The following ETV6 variants were observed in gnomAD, a reference collection of about 807,000 sequenced individuals.
ETV6 encodes the protein ETS variant transcription factor 6.
Under a neutral mutation model 51.1 loss-of-function variants are expected in ETV6, and 16 were observed. The ratio of observed to expected loss-of-function variants is 0.31; its 90% CI spans 0.21 to 0.48. ETV6 has a LOEUF of 0.48. ETV6 is among the 20% of genes least tolerant of loss of function. The pLI is 0.99. For missense variants in ETV6, 458 were observed against 594.8 expected (o/e 0.77, Z 2.39); for synonymous variants, 240 against 224.1 (o/e 1.07, Z -0.64).
chr12:11,739,086 GAGAC>G (rs1865762605), intron 1 of ETV6, among the ~76,000 whole-genome samples: 1 of 152,092 alleles, frequency 6.6e-6, no homozygotes, highest in Admixed American at 6.6e-5. Context: ...AAGAGAGAGA[GAGAC>G]AGAGAAGACT....
intron 1 of ETV6, among the ~76,000 whole-genome samples, chr12:11,664,608 G>C (rs1864160873): frequency 6.6e-6 from 1 of 152,098 alleles, no homozygotes; most frequent in South Asian, 2.1e-4. Flanking sequence ...CCAGGACTAA[G>C]GTTAGCGAAC....
intron 4 of ETV6, among the ~76,000 whole-genome samples, chr12:11,861,411 C>G (rs891973595): frequency 6.6e-6 from 1 of 152,176 alleles, no homozygotes; most frequent in South Asian, 2.1e-4. Context: ...GACCCTTGCC[C>G]CTGCTGCAGC....
Position 11,895,159 on chromosome 12 carries a change from C to G in ETV6, c.*4113C>G. The G allele has an allele frequency of 4.3e-6, 1 of 232,528 alleles. No individual in the cohort carries two copies. The highest frequency in any genetic ancestry group is 8.5e-6 in the Non-Finnish European group (1 of 117,310). 14.4% of individuals were successfully genotyped at this position (232,528 alleles called of 1,614,324 possible). On this transcript the variant is annotated 3_prime_UTR_variant, in exon 8 of 8. Transcript: ENST00000396373. Reference sequence around the variant, plus strand: ...CATTCTTGATGATTTCTCTTTGTGACCGCAACCACCTGCAAACCAGAACGA... The same window carrying G: ...CATTCTTGATGATTTCTCTTTGTGAGCGCAACCACCTGCAAACCAGAACGA...
intron 1 of ETV6, among the ~76,000 whole-genome samples, chr12:11,675,047 T>C (rs1486957681): frequency 6.6e-6 from 1 of 152,224 alleles, no homozygotes; most frequent in African/African-American, 2.4e-5. Context: ...CCTTGTCTTT[T>C]TGCACGCATA....
intron 2 of ETV6, among the ~76,000 whole-genome samples, chr12:11,768,191 C>A (rs1945190846): frequency 3.3e-5 from 5 of 151,924 alleles, no homozygotes; most frequent in Admixed American, 3.3e-4. Flanking sequence ...CTCTATCTTT[C>A]CGTTTGTATT....
chr12:11,761,477 CACAGATGGTTATTAA>C (rs1945085308), intron 2 of ETV6, among the ~76,000 whole-genome samples: 1 of 152,188 alleles, frequency 6.6e-6, no homozygotes, highest in Non-Finnish European at 1.5e-5. Context: ...TGATCTACCT[CACAGATGGTTATTAA>C]ACAGTAAGAA....
chr12:11,650,911 A>AG (rs1188903807), intron 1 of ETV6, among the ~76,000 whole-genome samples: 3 of 152,206 alleles, frequency 2.0e-5, no homozygotes, highest in Non-Finnish European at 4.4e-5. Context: ...CAGTGCAGAG[A>AG]GGCTATCTAA....
chr12:11,760,870 T>TTA (rs1414206955), intron 2 of ETV6, among the ~76,000 whole-genome samples: 18 of 109,012 alleles, frequency 1.7e-4, no homozygotes, highest in South Asian at 4.3e-4. Flanking sequence ...ACTACTATTA[T>TTA]TATATATATG....
At chr12:11,847,312 A>T (rs1458355185) in intron 3 of ETV6, among the ~76,000 whole-genome samples, 1 of 152,164 alleles carries the variant, frequency 6.6e-6, no homozygotes, top group Non-Finnish European at 1.5e-5. Context: ...AGGCACATCA[A>T]ATGTGTGGTG....
chr12:11,778,314 GCACA>G (rs201306094), intron 2 of ETV6, among the ~76,000 whole-genome samples: 1 of 152,082 alleles, frequency 6.6e-6, no homozygotes, highest in African/African-American at 2.4e-5. Context: ...ACACGCGTGT[GCACA>G]CACACACACT....
At chr12:11,730,694 G>A (rs1865577168) in intron 1 of ETV6, among the ~76,000 whole-genome samples, 1 of 152,204 alleles carries the variant, frequency 6.6e-6, no homozygotes, top group Non-Finnish European at 1.5e-5. Flanking sequence ...GCAGAATGTG[G>A]GCGGACTTCT....
intron 1 of ETV6, among the ~76,000 whole-genome samples, chr12:11,689,884 A>C (rs2120787295): frequency 7.3e-6 from 1 of 137,596 alleles, no homozygotes; most frequent in South Asian, 2.2e-4. Context: ...TACGGTCCAG[A>C]CCCTCCTGGG....
intron 2 of ETV6, among the ~76,000 whole-genome samples, chr12:11,760,708 C>CT (rs35938304): frequency 0.76 from 116,033 of 151,906 alleles, 45,280 homozygotes; most frequent in South Asian, 0.95. Context: ...TGCAAATGAG[C>CT]TTTAGTTTTT....
intron 2 of ETV6, among the ~76,000 whole-genome samples, chr12:11,785,107 G>T (rs1379572173): frequency 6.6e-6 from 1 of 151,972 alleles, no homozygotes; most frequent in Non-Finnish European, 1.5e-5. Flanking sequence ...TTGTGTAGAG[G>T]ATAGGAAGAG....
intron 2 of ETV6, among the ~76,000 whole-genome samples, chr12:11,813,082 CAAGGCT>C (rs1945938676): frequency 6.6e-6 from 1 of 152,228 alleles, no homozygotes; most frequent in Non-Finnish European, 1.5e-5. Flanking sequence ...GCTACTTAGC[CAAGGCT>C]GTGCATGCCA....
chr12:11,773,825 T>C (rs191853447), intron 2 of ETV6, among the ~76,000 whole-genome samples: 195 of 152,344 alleles, frequency 1.3e-3, no homozygotes, highest in African/African-American at 4.2e-3. Flanking sequence ...GAGGTTCTCC[T>C]GGAACTCCCT....
In ETV6 at chr12:11,869,079, A is replaced by T. The variant is rs113332016; in HGVS notation, c.464-345A>T. On this transcript the variant is annotated intron_variant, in intron 4 of 7. Transcript: ENST00000396373. The surrounding 1 kb of genome is among the most constrained non-coding windows in gnomAD (Gnocchi z 5.0). Reference sequence around the variant, plus strand: ...GTGAAACCCCATCTCTACTAAAAATAAAAAAAATTAGCCGAGCATGGTGGT... The same window carrying T: ...GTGAAACCCCATCTCTACTAAAAATTAAAAAAATTAGCCGAGCATGGTGGT... Among the ~76,000 whole-genome samples, 5,925 of 151,808 alleles carry T rather than the reference A, an allele frequency of 0.039. 161 individuals carry two copies. The highest frequency in any genetic ancestry group is 0.059 in the Non-Finnish European group (4,024 of 67,884).
chr12:11,715,861 C>T (rs766765963), intron 1 of ETV6, among the ~76,000 whole-genome samples: 5 of 152,298 alleles, frequency 3.3e-5, no homozygotes, highest in Non-Finnish European at 5.9e-5. Flanking sequence ...AGAGAATTTG[C>T]ATCAGGTTTC....
At chr12:11,878,626 T>C (rs889026609) in intron 5 of ETV6, among the ~76,000 whole-genome samples, 2 of 151,934 alleles carry the variant, frequency 1.3e-5, no homozygotes, top group Non-Finnish European at 2.9e-5. Flanking sequence ...AAGCGTAGAT[T>C]TTTGTATTAT....
Sources: gnomAD v4.1 joint callset for allele counts (sites outside exome capture counted in the v4.1 genomes callset) on GRCh38, gnomAD v4.1.1 for gene constraint, Gnocchi (gnomAD v3.1) non-coding constraint, MANE v1.5 for transcripts, NCBI Gene and HGNC (gene_info 2026-07-23, HGNC 2026-07-21) for gene names.